ANO3: variants seen among roughly 807,000 people sequenced by gnomAD.
ANO3 encodes the protein anoctamin-3.
In ANO3, 99 loss-of-function variants were observed where a neutral mutation model predicts 144.8. That is an observed-to-expected ratio of 0.68 (90% CI 0.58 to 0.81). The LOEUF (loss-of-function observed/expected upper bound fraction) is 0.81. ANO3 is among the 30% of genes least tolerant of loss of function. ANO3 has a pLI of 0.00. For missense variants in ANO3, 905 were observed against 1,202.2 expected, an observed-to-expected ratio of 0.75 and a Z score of 3.66; for synonymous variants, 414 against 392.6, an observed-to-expected ratio of 1.05 and a Z score of -0.64.
rs149842403 is a variant in ANO3, at chr11:26,343,454, G to C, written c.46+11133G>C. On this transcript the variant is annotated intron_variant, in intron 1 of 26. Transcript: ENST00000256737. The stretch of plus-strand genomic sequence containing the variant: ...CACATGGAAGTTCTATTTTTATTTT[G>C]GGGGGTCCTCCATAATGCTTTTATA... Among the ~76,000 whole-genome samples the C allele has an allele frequency of 1.1e-3, 167 of 152,104 alleles. 2 individuals are homozygous for C. The highest frequency in any genetic ancestry group is 3.8e-3 in the African/African-American group (156 of 41,492).
At chr11:26,601,740 G>C (rs763412962) in intron 17 of ANO3, among the ~76,000 whole-genome samples, 9 of 152,152 alleles carry the variant, frequency 5.9e-5, no homozygotes, top group Non-Finnish European at 1.2e-4. Flanking sequence ...AACTATGACA[G>C]CTTTTCAGTA....
At position 26,495,912 on chromosome 11, in the gene ANO3, T is replaced by G. The variant is rs2134114798; in HGVS notation, c.433-12192T>G. On this transcript the variant is annotated intron_variant, in intron 4 of 26. Transcript: ENST00000256737. The stretch of plus-strand genomic sequence containing the variant: ...TGTCTGCTTTGGAGCACATGTGAAT[T>G]TTCCTAATTTCCATGTGTATGGCCA... Among the ~76,000 whole-genome samples, 2 of 152,312 alleles carry G rather than the reference T, an allele frequency of 1.3e-5. 1 individual carries two copies. Among genetic ancestry groups the G allele is most frequent in the Middle Eastern group, 6.8e-3 (2 of 294 alleles).
intron 14 of ANO3, among the ~76,000 whole-genome samples, chr11:26,596,963 G>A (rs1335293468): frequency 1.3e-5 from 2 of 152,170 alleles, no homozygotes; most frequent in Non-Finnish European, 2.9e-5. Flanking sequence ...GAAGGGTTGG[G>A]GGTTGTTAGA....
chr11:26,386,692 A>T (rs1024990618), intron 1 of ANO3, among the ~76,000 whole-genome samples: 2 of 152,186 alleles, frequency 1.3e-5, no homozygotes, highest in African/African-American at 4.8e-5. Context: ...GCTTTATCCT[A>T]TAGAATGTAA....
At chr11:26,478,920 T>C (rs1208751434) in intron 4 of ANO3, among the ~76,000 whole-genome samples, 1 of 152,232 alleles carries the variant, frequency 6.6e-6, no homozygotes, top group African/African-American at 2.4e-5. Flanking sequence ...CAGAGCTCTC[T>C]GAATTTCTTC....
At chr11:26,573,912 CT>C (rs1442793228) in intron 14 of ANO3, among the ~76,000 whole-genome samples, 1 of 152,162 alleles carries the variant, frequency 6.6e-6, no homozygotes, top group Non-Finnish European at 1.5e-5. Flanking sequence ...TATCAGAAAC[CT>C]TTGTTTACTC....
chr11:26,391,819 C>T (rs1856888062), intron 1 of ANO3, among the ~76,000 whole-genome samples: 1 of 152,072 alleles, frequency 6.6e-6, no homozygotes, highest in Admixed American at 6.6e-5. Flanking sequence ...CCAATGGAAA[C>T]ACTCATACAT....
intron 1 of ANO3, chr11:26,189,359 G>A (rs1006001209): frequency 1.0e-6 from 1 of 977,762 alleles, no homozygotes; most frequent in African/African-American, 1.8e-5. Flanking sequence ...TGATATGTAT[G>A]AGTATCTTAA....
chr11:26,660,415 G>C lies in ANO3; in HGVS notation c.2917G>C (p.Gly973Arg), dbSNP rs1461044168. 15 of 1,612,776 alleles carry C rather than the reference G, an allele frequency of 9.3e-6. No homozygotes were observed. Among genetic ancestry groups the C allele is most frequent in the Non-Finnish European group, 1.3e-5 (15 of 1,179,410 alleles). ...EHLQQQRRKS[G>R]QPVHHEWP ...TTTGCAACAACAACGGAGAAAAAGT[G>C]GTCAGCCTGTTCACCATGAATGGCC... The change falls in exon 27 of 27, where the codon GGT becomes CGT. Residue 973 changes from glycine (G) to arginine (R), a missense_variant. Physicochemically the swap from Gly to Arg is moderately radical, Grantham distance 125 (BLOSUM62 -2). Coordinates refer to ENST00000256737, the MANE Select transcript of ANO3 (RefSeq NM_031418.4).
chr11:26,495,150 G>C (rs952157643), intron 4 of ANO3, among the ~76,000 whole-genome samples: 1 of 151,064 alleles, frequency 6.6e-6, no homozygotes, highest in Non-Finnish European at 1.5e-5. Context: ...TGTCATCCAG[G>C]CTGGAGTACA....
At chr11:26,458,761 AAAAC>A (rs1192182587) in intron 3 of ANO3, among the ~76,000 whole-genome samples, 1 of 152,144 alleles carries the variant, frequency 6.6e-6, no homozygotes, top group Admixed American at 6.6e-5. Flanking sequence ...AGCGATGAAC[AAAAC>A]AGTCACTGCA....
chr11:26,212,719 G>T (rs917905773), intron 1 of ANO3, among the ~76,000 whole-genome samples: 15 of 151,912 alleles, frequency 9.9e-5, no homozygotes, highest in Non-Finnish European at 2.1e-4. Context: ...AAAGGAGCTG[G>T]TACCATTCCT....
intron 4 of ANO3, among the ~76,000 whole-genome samples, chr11:26,496,430 TAGGGACCCA>T (rs1357786247): frequency 4.6e-5 from 7 of 152,196 alleles, no homozygotes; most frequent in African/African-American, 1.7e-4. Flanking sequence ...TTGGAGGTAA[TAGGGACCCA>T]AGTGCTCAGG....
chr11:26,261,425 A>G (rs1853186333), intron 1 of ANO3, among the ~76,000 whole-genome samples: 1 of 152,204 alleles, frequency 6.6e-6, no homozygotes, highest in Admixed American at 6.5e-5. Flanking sequence ...GAGAGGCTAA[A>G]AACAATTTTG....
chr11:26,546,912 T>A (rs1312123437), intron 11 of ANO3, among the ~76,000 whole-genome samples: 1 of 151,874 alleles, frequency 6.6e-6, no homozygotes, highest in Non-Finnish European at 1.5e-5. Context: ...TGCCATGTGC[T>A]TTGGAAACTG....
intron 1 of ANO3, among the ~76,000 whole-genome samples, chr11:26,189,979 G>C (rs575617355): frequency 6.6e-6 from 1 of 152,024 alleles, no homozygotes; most frequent in Admixed American, 6.6e-5. Flanking sequence ...AAATTCTGAG[G>C]GTCTGATTTA....
intron 1 of ANO3, among the ~76,000 whole-genome samples, chr11:26,284,301 T>G (rs930495662): frequency 1.3e-5 from 2 of 152,140 alleles, no homozygotes; most frequent in Non-Finnish European, 2.9e-5. Context: ...AGTGCCGATA[T>G]GGAGTGGAGT....
At position 26,627,854 on chromosome 11, in the gene ANO3, T is replaced by C. The variant is rs139883029; in HGVS notation, c.1873+3356T>C. Among the ~76,000 whole-genome samples, 1,376 of 139,666 alleles carry C rather than the reference T, an allele frequency of 9.9e-3. 10 individuals carry two copies. Among genetic ancestry groups the C allele is most frequent in the South Asian group, 0.014 (61 of 4,350 alleles). 91.6% of individuals were successfully genotyped at this position (139,666 alleles called of 152,430 possible). On this transcript the variant is annotated intron_variant, in intron 18 of 26. Transcript: ENST00000256737. ...GTGTGTGTGTGTGTGTGTGTGTGTG[T>C]GCGCCTGACATTATGTTCTGTTTAA...
chr11:26,624,425 AG>A, intron 17 of ANO3, 36 bp from the exon 18 acceptor site: 1 of 1,488,582 alleles, frequency 6.7e-7, no homozygotes, highest in Non-Finnish European at 9.3e-7. Context: ...TCCAAAAGAG[AG>A]GAATAATGTT....
Sources: allele counts gnomAD v4.1 joint callset (sites outside exome capture counted in the v4.1 genomes callset), GRCh38; gene constraint gnomAD v4.1.1; transcripts MANE v1.5; gene names NCBI Gene and HGNC (gene_info 2026-07-23, HGNC 2026-07-21).